The following WDR33 variants were observed in gnomAD, a reference collection of about 807,000 sequenced individuals.
The protein encoded by WDR33 is pre-mRNA 3' end processing protein WDR33.
Under a neutral mutation model 164.9 loss-of-function variants are expected in WDR33, and 47 were observed. The ratio of observed to expected loss-of-function variants is 0.29; its 90% CI spans 0.23 to 0.36. The LOEUF (loss-of-function observed/expected upper bound fraction) is 0.36. WDR33 is among the 10% of genes least tolerant of loss of function. The pLI, the probability that WDR33 is intolerant of heterozygous loss-of-function variation, is 1.00. For missense variants in WDR33, 1,137 were observed against 1,754.1 expected (o/e 0.65, Z 6.28); for synonymous variants, 505 against 589.0 (o/e 0.86, Z 2.06).
intron 1 of WDR33, among the ~76,000 whole-genome samples, chr2:127,779,379 T>C (rs1014893724): frequency 1.3e-5 from 2 of 151,830 alleles, no homozygotes; most frequent in African/African-American, 4.8e-5. Flanking sequence ...GGCAGGAGAA[T>C]AGCTTGAAAC....
intron 1 of WDR33, among the ~76,000 whole-genome samples, chr2:127,801,381 G>A (rs1164399027): frequency 6.6e-6 from 1 of 152,044 alleles, no homozygotes; most frequent in African/African-American, 2.4e-5. Context: ...GTACAATGAG[G>A]CTGGGCATGG....
rs948807667 is a variant in WDR33, at chr2:127,719,932, C to T, written c.2093G>A (p.Ser698Asn). The change falls in exon 16 of 22, where the codon AGT becomes AAT. Residue 698 changes from serine (S) to asparagine (N), a missense_variant. By Grantham distance (46) the Ser-to-Asn change is conservative. This residue lies in a region of WDR33 where 867 missense variants were observed against 1,073.0 expected (regional missense o/e 0.81). Transcript: ENST00000322313. The surrounding 1 kb of genome is among the most constrained non-coding windows in gnomAD (Gnocchi z 6.5). ...ACCCATATGACCTTGAGGACCAGAA[C>T]TACCTTGTGGTCCAGGTGGCCCTTG... The part of the protein sequence containing the change: ...GPQGPPGPQG[S>N]SGPQGHMGPQ... 3 of 1,613,852 alleles carry T rather than the reference C, an allele frequency of 1.9e-6. No individual in the cohort carries two copies. The highest frequency in any genetic ancestry group is 2.5e-6 in the Non-Finnish European group (3 of 1,179,984).
At chr2:127,792,020 C>T (rs1387088042) in intron 1 of WDR33, among the ~76,000 whole-genome samples, 2 of 151,580 alleles carry the variant, frequency 1.3e-5, no homozygotes, top group African/African-American at 4.9e-5. Flanking sequence ...CTCACTGCAA[C>T]CTCTGCCTCC....
chr2:127,725,460 G>A (rs1686542734), intron 8 of WDR33, among the ~76,000 whole-genome samples: 1 of 152,142 alleles, frequency 6.6e-6, no homozygotes, highest in South Asian at 2.1e-4. Flanking sequence ...GCAGAGGCTG[G>A]GCGTGATGGC....
In WDR33 at chr2:127,717,338, T is replaced by A; in HGVS notation, c.2761-75A>T. 1 of 1,250,094 alleles carries A rather than the reference T, an allele frequency of 8.0e-7. No individual in the cohort carries two copies. The highest frequency in any genetic ancestry group is 1.1e-6 in the Non-Finnish European group (1 of 930,178). 77.4% of individuals were successfully genotyped at this position (1,250,094 alleles called of 1,614,324 possible). ...CATAAATAGTGATTGCATTATAACATGACAAGATAAAAATACCCAGTAAAT... is the reference window on the plus strand; with the variant it reads ...CATAAATAGTGATTGCATTATAACAAGACAAGATAAAAATACCCAGTAAAT... On this transcript the variant is annotated intron_variant, in intron 16 of 21. Coordinates refer to ENST00000322313, the MANE Select transcript of WDR33 (RefSeq NM_018383.5). This position sits in a 1 kb window ranked among gnomAD's most constrained non-coding sequence, Gnocchi z 5.6.
chr2:127,768,627 A>G (rs1046564949), intron 3 of WDR33, among the ~76,000 whole-genome samples: 2 of 152,190 alleles, frequency 1.3e-5, no homozygotes, highest in African/African-American at 4.8e-5. Context: ...GTTCAAATTT[A>G]AGTTTTAAGA....
In WDR33 at chr2:127,709,640, G is replaced by A. The variant is rs1441445552; in HGVS notation, c.3472+53C>T. The A allele has an allele frequency of 3.7e-6, 6 of 1,613,538 alleles. No individual in the cohort carries two copies. In the African/African-American group the frequency reaches 8.0e-5, roughly 22 times the overall value. On this transcript the variant is annotated intron_variant, in intron 19 of 21. Coordinates refer to ENST00000322313, the MANE Select transcript of WDR33 (RefSeq NM_018383.5). The surrounding 1 kb of genome is among the most constrained non-coding windows in gnomAD (Gnocchi z 5.0). ...ACTGTTCCTGGTGTATTCACAACCAGTGTATTCTGCACCCTATCCTTCCAG... is the reference window on the plus strand; with the variant it reads ...ACTGTTCCTGGTGTATTCACAACCAATGTATTCTGCACCCTATCCTTCCAG...
intron 7 of WDR33, among the ~76,000 whole-genome samples, chr2:127,749,180 A>T (rs747916133): frequency 1.3e-5 from 2 of 152,156 alleles, no homozygotes; most frequent in Non-Finnish European, 2.9e-5. Flanking sequence ...TATTAAAAAT[A>T]AAATAAAGTT....
chr2:127,717,435 A>C lies in WDR33; in HGVS notation c.2761-172T>G, dbSNP rs562886204. On this transcript the variant is annotated intron_variant, in intron 16 of 21. Coordinates refer to ENST00000322313, the MANE Select transcript of WDR33 (RefSeq NM_018383.5). The surrounding 1 kb of genome is among the most constrained non-coding windows in gnomAD (Gnocchi z 5.6). ...AGGAGATACTTCTTTTACTATAATA[A>C]TTTTTTTAAAGCACCTGTATTTTAA... Among the ~76,000 whole-genome samples, 2 of 152,318 alleles carry C rather than the reference A, an allele frequency of 1.3e-5. No homozygotes were observed. The highest frequency in any genetic ancestry group is 1.9e-4 in the East Asian group (1 of 5,196).
rs1689634839 is a variant in WDR33, at chr2:127,811,036, A to G, written c.-48T>C. 6.5e-6 allele frequency: 1 copy of G among 152,710 alleles called. No individual in the cohort carries two copies. Among genetic ancestry groups the G allele is most frequent in the African/African-American group, 2.4e-5 (1 of 41,462 alleles). 9.5% of individuals were successfully genotyped at this position (152,710 alleles called of 1,614,324 possible). On this transcript the variant is annotated 5_prime_UTR_variant, in exon 1 of 22. Coordinates refer to ENST00000322313, the MANE Select transcript of WDR33 (RefSeq NM_018383.5). This position sits in a 1 kb window ranked among gnomAD's most constrained non-coding sequence, Gnocchi z 4.1. ...CCGTCTGGCTTTGAGCAGAGCTCCT[A>G]AATGGCCAGCGAAGCGTTCGCCTTC...
Position 127,701,958 on chromosome 2 carries a change from C to T in WDR33, c.*4365G>A. ...GCTGCGCTGCGAAGAAGCGCCGTCC[C>T]GGCCCGCGCTGCTCTACATGGCAGC... On this transcript the variant is annotated 3_prime_UTR_variant, in exon 22 of 22. Coordinates refer to ENST00000322313, the MANE Select transcript of WDR33 (RefSeq NM_018383.5). 5 of 1,398,274 alleles carry T rather than the reference C, an allele frequency of 3.6e-6. No homozygotes were observed. The highest frequency in any genetic ancestry group is 4.6e-6 in the Non-Finnish European group (5 of 1,083,086). 86.6% of individuals were successfully genotyped at this position (1,398,274 alleles called of 1,614,324 possible).
intron 1 of WDR33, among the ~76,000 whole-genome samples, chr2:127,776,485 G>C (rs998564329): frequency 6.6e-6 from 1 of 152,114 alleles, no homozygotes; most frequent in African/African-American, 2.4e-5. Context: ...TTGGGAGGCC[G>C]ATACAGGTGG....
At chr2:127,740,595 T>G (rs1157249664) in intron 7 of WDR33, among the ~76,000 whole-genome samples, 1 of 152,196 alleles carries the variant, frequency 6.6e-6, no homozygotes, top group African/African-American at 2.4e-5. Context: ...TTTTAATTGA[T>G]TACTCATCTC....
intron 7 of WDR33, among the ~76,000 whole-genome samples, chr2:127,740,876 CAT>C (rs1275334143): frequency 6.6e-6 from 1 of 152,216 alleles, no homozygotes; most frequent in Non-Finnish European, 1.5e-5. Context: ...GCAAGACTGA[CAT>C]ATGTTGGCTA....
chr2:127,701,958 C>A lies in WDR33; in HGVS notation c.*4365G>T, dbSNP rs764085699. ...GCTGCGCTGCGAAGAAGCGCCGTCC[C>A]GGCCCGCGCTGCTCTACATGGCAGC... On this transcript the variant is annotated 3_prime_UTR_variant, in exon 22 of 22. Transcript: ENST00000322313. The A allele has an allele frequency of 5.7e-6, 8 of 1,398,274 alleles. No homozygotes were observed. The South Asian group carries it at 1.0e-4, about 18-fold the overall frequency. 86.6% of individuals were successfully genotyped at this position (1,398,274 alleles called of 1,614,324 possible).
At chr2:127,766,742 C>T (rs910219935) in intron 4 of WDR33, among the ~76,000 whole-genome samples, 2 of 151,922 alleles carry the variant, frequency 1.3e-5, no homozygotes, top group Non-Finnish European at 2.9e-5. Flanking sequence ...TTAGACTACA[C>T]ACTGGTTGCT....
At chr2:127,762,730 C>A in intron 7 of WDR33, 1 of 1,059,638 alleles carries the variant, frequency 9.4e-7, no homozygotes, top group South Asian at 3.2e-5. Context: ...CTAAATCAAA[C>A]CACAGTGTCA....
chr2:127,804,911 T>C (rs963483221), intron 1 of WDR33, among the ~76,000 whole-genome samples: 27 of 152,152 alleles, frequency 1.8e-4, no homozygotes, highest in African/African-American at 6.3e-4. Flanking sequence ...ATATACCTCT[T>C]TGATGAAGAA....
chr2:127,738,435 G>A lies in WDR33; in HGVS notation c.725-11658C>T, dbSNP rs992848694. On this transcript the variant is annotated intron_variant, in intron 7 of 21. Transcript: ENST00000322313. The surrounding 1 kb of genome is among the most constrained non-coding windows in gnomAD (Gnocchi z 4.4). ...ACACAGTTACTCCACCTGAAAAGAGGTGAGGTGTAATGCTCCACTCCTTAA... is the reference window on the plus strand; with the variant it reads ...ACACAGTTACTCCACCTGAAAAGAGATGAGGTGTAATGCTCCACTCCTTAA... Among the ~76,000 whole-genome samples the A allele has an allele frequency of 6.6e-6, 1 of 152,094 alleles. No homozygotes were observed.
Sources: gnomAD v4.1 joint callset for allele counts (sites outside exome capture counted in the v4.1 genomes callset) on GRCh38, gnomAD v4.1.1 for gene constraint, gnomAD v4.1.1 regional missense constraint, Gnocchi (gnomAD v3.1) non-coding constraint, MANE v1.5 for transcripts, NCBI Gene and HGNC (gene_info 2026-07-23, HGNC 2026-07-21) for gene names.